The following CAMTA1 variants were observed in gnomAD, a reference collection of about 807,000 sequenced individuals.
The protein encoded by CAMTA1 is calmodulin-binding transcription activator 1.
CAMTA1 carries 27 observed loss-of-function variants against 170.9 expected under a neutral mutation model. The ratio of observed to expected loss-of-function variants is 0.16; its 90% confidence interval spans 0.12 to 0.22. The LOEUF (loss-of-function observed/expected upper bound fraction) is 0.22, where lower values mean the gene tolerates loss of function less well. Among genes scored for constraint, CAMTA1 ranks in the 10% least tolerant of loss-of-function variants. The pLI is 1.00. For synonymous variants in CAMTA1, 833 were observed against 891.5 expected (o/e 0.93, Z 1.17); for missense variants, 1,619 against 2,217.2 (o/e 0.73, Z 5.42).
chr1:7,181,191 A>G (rs1652080036), intron 4 of CAMTA1, among the ~76,000 whole-genome samples: 1 of 152,240 alleles, frequency 6.6e-6, no homozygotes, highest in African/African-American at 2.4e-5. Context: ...GAAAAAATTC[A>G]ATATGCATTC....
chr1:6,886,949 T>C (rs1272291558), intron 3 of CAMTA1, among the ~76,000 whole-genome samples: 2 of 152,190 alleles, frequency 1.3e-5, no homozygotes, highest in Admixed American at 1.3e-4. Context: ...GAAACCAGAG[T>C]ATCCCTTTGA....
At chr1:7,059,223 ACTGAC>A (rs1199225786) in intron 3 of CAMTA1, among the ~76,000 whole-genome samples, 1 of 152,188 alleles carries the variant, frequency 6.6e-6, no homozygotes, top group African/African-American at 2.4e-5. Context: ...CTGCTTCCTT[ACTGAC>A]CTCAGAGACT....
intron 3 of CAMTA1, among the ~76,000 whole-genome samples, chr1:7,038,396 C>T (rs1158029696): frequency 6.6e-6 from 1 of 152,042 alleles, no homozygotes; most frequent in Non-Finnish European, 1.5e-5. Context: ...AGATCAATGC[C>T]ATATATTAAG....
intron 6 of CAMTA1, among the ~76,000 whole-genome samples, chr1:7,612,213 G>T (rs1206735767): frequency 6.6e-6 from 1 of 152,218 alleles, no homozygotes; most frequent in African/African-American, 2.4e-5. Flanking sequence ...GATGGTGAAT[G>T]TGGGGATTTG....
chr1:7,496,564 C>T (rs901778227), intron 6 of CAMTA1, among the ~76,000 whole-genome samples: 1 of 152,222 alleles, frequency 6.6e-6, no homozygotes, highest in Non-Finnish European at 1.5e-5. Flanking sequence ...TGCAACGCCT[C>T]AGATGCAGCA....
intron 3 of CAMTA1, among the ~76,000 whole-genome samples, chr1:7,088,877 A>T (rs1572951034): frequency 6.6e-6 from 1 of 152,046 alleles, no homozygotes; most frequent in South Asian, 2.1e-4. Context: ...CCACGTACTG[A>T]CTCCAGCCGC....
intron 3 of CAMTA1, among the ~76,000 whole-genome samples, chr1:7,020,060 T>A (rs1317112362): frequency 1.3e-5 from 2 of 152,236 alleles, no homozygotes; most frequent in Non-Finnish European, 2.9e-5. Flanking sequence ...TGCCTGTTTC[T>A]CCAGGAGGGC....
At chr1:6,957,634 T>G (rs1356936249) in intron 3 of CAMTA1, among the ~76,000 whole-genome samples, 1 of 152,204 alleles carries the variant, frequency 6.6e-6, no homozygotes, top group Non-Finnish European at 1.5e-5. Flanking sequence ...CTTCTTTATC[T>G]TCCATTTGTA....
Position 7,738,459 on chromosome 1 carries a change from G to A in CAMTA1, c.4159G>A (p.Gly1387Ser), listed in dbSNP as rs754039295. The change falls in exon 16 of 23, where the codon GGC becomes AGC. Residue 1387 changes from glycine (G) to serine (S), a missense_variant. By Grantham distance (56) the Gly-to-Ser change is moderately conservative. Transcript: ENST00000303635. The surrounding 1 kb of genome is among the most constrained non-coding windows in gnomAD (Gnocchi z 4.9). ...TGATAGTGCAGAAAATGAAGAATGC[G>A]GCCAGCCCATGGATGACATACAGGT... is the stretch of plus-strand genomic sequence containing the variant. ...YRDSAENEEC[G>S]QPMDDIQVNM... 26 of 1,613,862 alleles carry A rather than the reference G, an allele frequency of 1.6e-5. No individual in the cohort carries two copies. Among genetic ancestry groups the A allele is most frequent in the East Asian group, 2.2e-5 (1 of 44,872 alleles).
intron 5 of CAMTA1, among the ~76,000 whole-genome samples, chr1:7,312,414 G>A (rs1471102177): frequency 7.4e-6 from 1 of 135,582 alleles, no homozygotes; most frequent in African/African-American, 2.8e-5. Flanking sequence ...TCTTTCTACA[G>A]TCCAATTCCC....
chr1:7,069,260 G>T (rs925658090), intron 3 of CAMTA1, among the ~76,000 whole-genome samples: 2 of 152,174 alleles, frequency 1.3e-5, no homozygotes, highest in South Asian at 4.1e-4. Flanking sequence ...TTGTTGCTTC[G>T]TCTCACCTAG....
chr1:7,553,709 G>A (rs1317938864), intron 6 of CAMTA1, among the ~76,000 whole-genome samples: 1 of 152,196 alleles, frequency 6.6e-6, no homozygotes, highest in African/African-American at 2.4e-5. Flanking sequence ...ACATCTCCAG[G>A]CAAAGTGTCA....
chr1:6,854,654 C>T (rs1227151048), intron 3 of CAMTA1, among the ~76,000 whole-genome samples: 2 of 152,120 alleles, frequency 1.3e-5, no homozygotes, highest in Non-Finnish European at 2.9e-5. Flanking sequence ...TAAATCTCAA[C>T]AGATTTCGAA....
At chr1:7,068,967 G>A (rs889791135) in intron 3 of CAMTA1, among the ~76,000 whole-genome samples, 9 of 152,184 alleles carry the variant, frequency 5.9e-5, no homozygotes, top group East Asian at 3.9e-4. Flanking sequence ...TCGCTTGCTC[G>A]AGAACCCAGG....
At chr1:6,860,067 T>G (rs891297463) in intron 3 of CAMTA1, among the ~76,000 whole-genome samples, 14 of 152,216 alleles carry the variant, frequency 9.2e-5, no homozygotes, top group Non-Finnish European at 2.1e-4. Context: ...GGTTCTTCGT[T>G]CTTTTTCTTT....
In CAMTA1 at chr1:7,681,218, G is replaced by A. The variant is rs1245329436; in HGVS notation, c.2914+3485G>A. 6.6e-6 allele frequency among the ~76,000 whole-genome samples: 1 copy of A among 152,182 alleles called. No homozygotes were observed. The highest frequency in any genetic ancestry group is 1.5e-5 in the Non-Finnish European group (1 of 68,034). On this transcript the variant is annotated intron_variant, in intron 11 of 22. Coordinates refer to ENST00000303635, the MANE Select transcript of CAMTA1 (RefSeq NM_015215.4). This position sits in a 1 kb window ranked among gnomAD's most constrained non-coding sequence, Gnocchi z 4.6. ...GCTGGACCCCCATCACTTAGCCCAGGGTTGGCACGTGGTGGGCTGCAGTAC... is the reference window on the plus strand; with the variant it reads ...GCTGGACCCCCATCACTTAGCCCAGAGTTGGCACGTGGTGGGCTGCAGTAC...
chr1:7,178,040 T>C (rs769040902), intron 4 of CAMTA1, among the ~76,000 whole-genome samples: 1 of 151,182 alleles, frequency 6.6e-6, no homozygotes, highest in Non-Finnish European at 1.5e-5. Context: ...CCTCATTCAA[T>C]ACATCAAAGT....
intron 7 of CAMTA1, among the ~76,000 whole-genome samples, chr1:7,653,498 A>C (rs1201654835): frequency 6.6e-6 from 1 of 152,144 alleles, no homozygotes; most frequent in Non-Finnish European, 1.5e-5. Context: ...CCTGGGCTCA[A>C]GTGATCCACC....
chr1:7,039,908 T>C (rs1450453476), intron 3 of CAMTA1, among the ~76,000 whole-genome samples: 1 of 152,128 alleles, frequency 6.6e-6, no homozygotes, highest in Non-Finnish European at 1.5e-5. Context: ...ACCCTACAGA[T>C]TCTGCTTGGA....
Sources: gnomAD v4.1 joint callset for allele counts (sites outside exome capture counted in the v4.1 genomes callset) on GRCh38, gnomAD v4.1.1 for gene constraint, Gnocchi (gnomAD v3.1) non-coding constraint, MANE v1.5 for transcripts, NCBI Gene and HGNC (gene_info 2026-07-23, HGNC 2026-07-21) for gene names.